TTC7B: variants seen among roughly 807,000 people sequenced by gnomAD.
TTC7B encodes tetratricopeptide repeat domain 7B.
A neutral mutation model predicts 106.8 loss-of-function variants in TTC7B; 28 were observed. The observed-to-expected ratio is 0.26, with a 90% CI of 0.19 to 0.36. The LOEUF (loss-of-function observed/expected upper bound fraction) is 0.36, where lower values mean the gene tolerates loss of function less well. TTC7B is among the 10% of genes least tolerant of loss of function. TTC7B has a pLI of 1.00. For synonymous variants in TTC7B, 405 were observed against 430.6 expected (o/e 0.94, Z 0.74); for missense variants, 862 against 1,076.4 (o/e 0.80, Z 2.79).
chr14:90,664,875 T>G (rs737508), intron 9 of TTC7B, among the ~76,000 whole-genome samples: 2 of 152,136 alleles, frequency 1.3e-5, no homozygotes, highest in Admixed American at 1.3e-4. Flanking sequence ...TATCAATGGG[T>G]TGGCTTTTAT....
In TTC7B at chr14:90,554,554, C is replaced by T. The variant is rs574179287; in HGVS notation, c.2311-12965G>A. ...CAATGTCCTGGTGCTGTGCCAGGTG[C>T]GGGGAACTCAGTGGCACAGGCTGTC... On this transcript the variant is annotated intron_variant, in intron 19 of 19. Transcript: ENST00000328459. Among the ~76,000 whole-genome samples the T allele has an allele frequency of 5.9e-5, 9 of 152,244 alleles. No homozygotes were observed. The South Asian group carries it at 1.0e-3, about 18-fold the overall frequency.
chr14:90,754,354 T>C (rs1287357283), intron 3 of TTC7B, among the ~76,000 whole-genome samples: 1 of 152,204 alleles, frequency 6.6e-6, no homozygotes, highest in Non-Finnish European at 1.5e-5. Context: ...GACTGTGGGA[T>C]CTGAAGCCAG....
chr14:90,733,798 C>G (rs1442088654), intron 4 of TTC7B, among the ~76,000 whole-genome samples: 1 of 152,196 alleles, frequency 6.6e-6, no homozygotes, highest in Non-Finnish European at 1.5e-5. Flanking sequence ...TAGGACAACA[C>G]CTCTGACCTC....
chr14:90,720,360 G>A (rs758929196), intron 5 of TTC7B, among the ~76,000 whole-genome samples: 3 of 152,160 alleles, frequency 2.0e-5, no homozygotes, highest in Admixed American at 6.5e-5. Flanking sequence ...ACATCCAAGA[G>A]TATAACGATC....
At chr14:90,680,697 A>G (rs774971996) in intron 7 of TTC7B, among the ~76,000 whole-genome samples, 162 bp from the exon 8 acceptor site, 1 of 152,206 alleles carries the variant, frequency 6.6e-6, no homozygotes, top group Non-Finnish European at 1.5e-5. Flanking sequence ...ATGGTAATCT[A>G]TGGAATTCAT....
chr14:90,613,535 A>T (rs187638362), intron 16 of TTC7B, among the ~76,000 whole-genome samples: 17 of 152,348 alleles, frequency 1.1e-4, no homozygotes, highest in Non-Finnish European at 2.4e-4. Context: ...ATACAGGACA[A>T]GGGGCAAGGA....
chr14:90,711,982 T>C (rs1027839470), intron 5 of TTC7B, among the ~76,000 whole-genome samples: 1 of 151,796 alleles, frequency 6.6e-6, no homozygotes, highest in Non-Finnish European at 1.5e-5. Flanking sequence ...AAAACCAAGA[T>C]CCACCCATAT....
At chr14:90,749,077 G>A (rs1890055582) in intron 3 of TTC7B, among the ~76,000 whole-genome samples, 1 of 152,080 alleles carries the variant, frequency 6.6e-6, no homozygotes, top group Non-Finnish European at 1.5e-5. Flanking sequence ...ATTCTCACTT[G>A]CATGGTTTCT....
In TTC7B at chr14:90,808,985, G is replaced by C. The variant is rs2030753672; in HGVS notation, c.121+7190C>G. On this transcript the variant is annotated intron_variant, in intron 1 of 19. Coordinates refer to ENST00000328459, the MANE Select transcript of TTC7B (RefSeq NM_001010854.2). This position sits in a 1 kb window ranked among gnomAD's most constrained non-coding sequence, Gnocchi z 4.2. ...CAGTAACGACCAAACGCCTGACTCA[G>C]TGTGGCTTCAACAAGAAGGAATTTA... is the stretch of plus-strand genomic sequence containing the variant. 6.6e-6 allele frequency among the ~76,000 whole-genome samples: 1 copy of C among 152,214 alleles called. No homozygotes were observed.
At chr14:90,585,209 T>C (rs1343755628) in intron 18 of TTC7B, among the ~76,000 whole-genome samples, 2 of 152,148 alleles carry the variant, frequency 1.3e-5, no homozygotes, top group African/African-American at 4.8e-5. Context: ...CTGCCATTAG[T>C]CTCTGAGTCT....
At chr14:90,811,547 C>T (rs1241938511) in intron 1 of TTC7B, among the ~76,000 whole-genome samples, 1 of 152,168 alleles carries the variant, frequency 6.6e-6, no homozygotes. Flanking sequence ...GACCCTGCAC[C>T]CTCCACCAAG....
At chr14:90,634,403 C>A (rs1884838412) in intron 15 of TTC7B, among the ~76,000 whole-genome samples, 1 of 151,464 alleles carries the variant, frequency 6.6e-6, no homozygotes, top group Non-Finnish European at 1.5e-5. Flanking sequence ...GTGAATGGAC[C>A]AAACACTTGA....
chr14:90,775,911 A>G (rs1891011978), intron 3 of TTC7B, among the ~76,000 whole-genome samples: 1 of 151,366 alleles, frequency 6.6e-6, no homozygotes, highest in African/African-American at 2.4e-5. Flanking sequence ...TCCGGTTTAA[A>G]AATTTTAAAT....
At chr14:90,764,016 AAAG>A (rs1487856975) in intron 3 of TTC7B, among the ~76,000 whole-genome samples, 1 of 152,182 alleles carries the variant, frequency 6.6e-6, no homozygotes, top group African/African-American at 2.4e-5. Context: ...AAATCTTGTA[AAAG>A]AAGAACAAAG....
At chr14:90,707,789 A>G (rs1888270724) in intron 5 of TTC7B, among the ~76,000 whole-genome samples, 1 of 152,196 alleles carries the variant, frequency 6.6e-6, no homozygotes, top group African/African-American at 2.4e-5. Context: ...ATGCAGAGGA[A>G]AAGTTTGAAC....
chr14:90,760,171 A>G (rs1274421209), intron 3 of TTC7B, among the ~76,000 whole-genome samples: 4 of 152,144 alleles, frequency 2.6e-5, no homozygotes, highest in African/African-American at 9.7e-5. Context: ...CCAAGGGCGG[A>G]CTCAGCACAG....
rs199817416 is a variant in TTC7B at position 90,644,257 on chromosome 14, G to GCACACACACA, written c.1591-59_1591-50dup. The GCACACACACA allele has an allele frequency of 4.3e-6, 5 of 1,173,550 alleles. No individual in the cohort carries two copies. The African/African-American group carries it at 5.5e-5, about 13-fold the overall frequency. The allele number at this position is 1,173,550 out of a possible 1,614,324, so 72.7% of individuals were successfully genotyped here. ...AGGTTTTACATACACACATGCACAC[G>GCACACACACA]CACACACACACACACACACACACGC... On this transcript the variant is annotated intron_variant, in intron 14 of 19. Transcript: ENST00000328459.
intron 5 of TTC7B, among the ~76,000 whole-genome samples, chr14:90,721,732 T>C (rs919561350): frequency 2.0e-5 from 3 of 152,162 alleles, no homozygotes; most frequent in African/African-American, 7.2e-5. Flanking sequence ...TCTGCCCTAG[T>C]CAGTTGTGTG....
intron 3 of TTC7B, among the ~76,000 whole-genome samples, chr14:90,770,550 G>T (rs1732673629): frequency 6.6e-6 from 1 of 152,130 alleles, no homozygotes; most frequent in African/African-American, 2.4e-5. Flanking sequence ...CAACTTGGGA[G>T]GCTGAGGCAG....
Sources: allele counts gnomAD v4.1 joint callset (sites outside exome capture counted in the v4.1 genomes callset), GRCh38; gene constraint gnomAD v4.1.1; non-coding constraint Gnocchi (gnomAD v3.1); transcripts MANE v1.5; gene names NCBI Gene and HGNC (gene_info 2026-07-23, HGNC 2026-07-21).